Variants in LRBA observed in about 807,000 individuals in gnomAD.
The protein encoded by LRBA is lipopolysaccharide-responsive and beige-like anchor protein.
LRBA carries 176 observed loss-of-function variants against 330.0 expected under a neutral mutation model. That is an observed-to-expected ratio of 0.53 (90% CI 0.47 to 0.60). LRBA has a LOEUF of 0.60. LRBA is among the 20% of genes least tolerant of loss of function. The probability of loss-of-function intolerance (pLI) is 0.00; values close to 1 mark genes in which losing one functional copy is unlikely to be tolerated. For missense variants in LRBA, 3,259 were observed against 3,444.8 expected (o/e 0.95, Z 1.35); for synonymous variants, 1,230 against 1,193.0 (o/e 1.03, Z -0.64).
intron 44 of LRBA, among the ~76,000 whole-genome samples, chr4:150,441,980 A>G (rs1751900952): frequency 6.6e-6 from 1 of 152,198 alleles, no homozygotes; most frequent in African/African-American, 2.4e-5. Context: ...CTTATATACC[A>G]TAACTATAAT....
intron 36 of LRBA, among the ~76,000 whole-genome samples, chr4:150,700,485 G>T (rs887516929): frequency 1.3e-5 from 2 of 152,152 alleles, no homozygotes; most frequent in African/African-American, 4.8e-5. Context: ...CGTTGGGTCA[G>T]TCAGTGTACA....
intron 44 of LRBA, among the ~76,000 whole-genome samples, chr4:150,443,843 T>TA (rs1167589302): frequency 2.7e-5 from 1 of 37,414 alleles, no homozygotes; most frequent in African/African-American, 7.5e-5. Context: ...ACTTAAAGTA[T>TA]AATTAAAAAA....
intron 34 of LRBA, among the ~76,000 whole-genome samples, chr4:150,791,718 A>G (rs1235718355): frequency 2.6e-5 from 4 of 152,160 alleles, no homozygotes; most frequent in Non-Finnish European, 4.4e-5. Context: ...TATAGGTGAA[A>G]GAAATGCATA....
chr4:150,455,014 G>A (rs995059881), intron 44 of LRBA, among the ~76,000 whole-genome samples: 3 of 149,634 alleles, frequency 2.0e-5, no homozygotes, highest in African/African-American at 7.4e-5. Flanking sequence ...TAGGGTACAT[G>A]TGCACATTGT....
chr4:150,861,205 T>C (rs1415023625), intron 22 of LRBA, among the ~76,000 whole-genome samples: 1 of 151,982 alleles, frequency 6.6e-6, no homozygotes, highest in African/African-American at 2.4e-5. Context: ...TGGGCTCAAG[T>C]GATCCTCCCA....
intron 47 of LRBA, among the ~76,000 whole-genome samples, chr4:150,357,857 T>C (rs1738098919): frequency 1.3e-5 from 2 of 152,052 alleles, no homozygotes; most frequent in Non-Finnish European, 2.9e-5. Context: ...AACTATGCCA[T>C]GAAATTTCAA....
chr4:150,548,783 G>A (rs1766189850), intron 40 of LRBA, among the ~76,000 whole-genome samples: 1 of 152,032 alleles, frequency 6.6e-6, no homozygotes, highest in Non-Finnish European at 1.5e-5. Context: ...GCTATTACAT[G>A]AATTATCTCA....
intron 24 of LRBA, among the ~76,000 whole-genome samples, chr4:150,850,510 G>T (rs887192680): frequency 6.6e-6 from 1 of 152,060 alleles, no homozygotes. Flanking sequence ...TTTTAAAAGA[G>T]AAACCTCTGC....
At chr4:150,837,838 T>C (rs544009517) in intron 28 of LRBA, among the ~76,000 whole-genome samples, 2,160 of 151,584 alleles carry the variant, frequency 0.014, 49 homozygotes, top group African/African-American at 0.048. Flanking sequence ...GTCATTATGA[T>C]GTTAGCTGGT....
intron 48 of LRBA, among the ~76,000 whole-genome samples, chr4:150,326,803 C>T (rs1488642407): frequency 6.6e-6 from 1 of 152,092 alleles, no homozygotes; most frequent in Non-Finnish European, 1.5e-5. Context: ...GAAGCAAACA[C>T]ATATAAAGGC....
At chr4:150,564,323 T>C (rs967928852) in intron 40 of LRBA, among the ~76,000 whole-genome samples, 1 of 152,186 alleles carries the variant, frequency 6.6e-6, no homozygotes. Context: ...CTGGGAAAAC[T>C]GGCTAGCCAT....
chr4:150,674,858 G>C (rs928869446), intron 37 of LRBA, among the ~76,000 whole-genome samples: 1 of 152,122 alleles, frequency 6.6e-6, no homozygotes, highest in African/African-American at 2.4e-5. Flanking sequence ...CTGGGCAAAA[G>C]AGCAAGACCC....
At chr4:150,988,143 ATAAACCCATGGTGACCTCAGGCAATTT>A (rs1265016022) in intron 2 of LRBA, among the ~76,000 whole-genome samples, 1 of 152,182 alleles carries the variant, frequency 6.6e-6, no homozygotes, top group Non-Finnish European at 1.5e-5. Flanking sequence ...AACCCTATGT[ATAAACCCATGGTGACCTCAGGCAATTT>A]TAAATCCAAA....
chr4:150,649,163 C>T (rs1779478008), intron 37 of LRBA, among the ~76,000 whole-genome samples: 1 of 152,188 alleles, frequency 6.6e-6, no homozygotes. Context: ...TCTGCCTTCC[C>T]TTCAGTTTCT....
intron 34 of LRBA, among the ~76,000 whole-genome samples, chr4:150,771,058 CTT>C (rs200122969): frequency 0.012 from 1,884 of 152,308 alleles, 13 homozygotes; most frequent in Non-Finnish European, 0.02. Flanking sequence ...GGGAAGCAAT[CTT>C]AACTTCCGGT....
chr4:150,741,346 A>G (rs990727308), intron 35 of LRBA, among the ~76,000 whole-genome samples: 6 of 152,182 alleles, frequency 3.9e-5, no homozygotes, highest in Non-Finnish European at 7.4e-5. Context: ...TTAAAATGGG[A>G]AAAGTACACA....
intron 52 of LRBA, among the ~76,000 whole-genome samples, chr4:150,305,679 G>T (rs1269666577): frequency 6.6e-6 from 1 of 152,214 alleles, no homozygotes; most frequent in African/African-American, 2.4e-5. Flanking sequence ...AGATCTAAAT[G>T]AGAGAGTGAC....
intron 13 of LRBA, among the ~76,000 whole-genome samples, chr4:150,904,244 C>A (rs977537677): frequency 7.9e-5 from 12 of 152,144 alleles, no homozygotes; most frequent in African/African-American, 2.9e-4. Flanking sequence ...ATTTTGTATG[C>A]ATTATATTGT....
intron 40 of LRBA, among the ~76,000 whole-genome samples, chr4:150,495,262 A>G (rs1248660122): frequency 2.0e-5 from 3 of 152,304 alleles, no homozygotes; most frequent in East Asian, 1.9e-4. Flanking sequence ...ATCCATAAAT[A>G]ACATACCACA....
Sources: allele counts gnomAD v4.1 joint callset (sites outside exome capture counted in the v4.1 genomes callset), GRCh38; gene constraint gnomAD v4.1.1; transcripts MANE v1.5; gene names NCBI Gene and HGNC (gene_info 2026-07-23, HGNC 2026-07-21).